CSMD3: variants seen among roughly 807,000 people sequenced by gnomAD.
The protein encoded by CSMD3 is CUB and sushi domain-containing protein 3.
CSMD3 carries 177 observed loss-of-function variants against 435.2 expected under a neutral mutation model. The observed-to-expected ratio is 0.41, with a 90% CI of 0.36 to 0.46. The LOEUF (loss-of-function observed/expected upper bound fraction) is 0.46. Ranked by LOEUF, CSMD3 falls within the 20% of genes least tolerant of loss-of-function variation. The probability of loss-of-function intolerance (pLI) is 0.34; values close to 1 mark genes in which losing one functional copy is unlikely to be tolerated. For missense variants in CSMD3, 4,265 were observed against 4,504.6 expected (o/e 0.95, Z 1.52); for synonymous variants, 1,656 against 1,520.5 (o/e 1.09, Z -2.07).
At chr8:113,145,003 C>G (rs1351986018) in intron 4 of CSMD3, among the ~76,000 whole-genome samples, 1 of 151,336 alleles carries the variant, frequency 6.6e-6, no homozygotes, top group Non-Finnish European at 1.5e-5. Context: ...TTTAATAGAG[C>G]CCTGAGGGGC....
At chr8:112,882,165 C>T (rs972089531) in intron 10 of CSMD3, among the ~76,000 whole-genome samples, 2 of 151,850 alleles carry the variant, frequency 1.3e-5, no homozygotes, top group Non-Finnish European at 2.9e-5. Flanking sequence ...TCTCAGGACC[C>T]CAGAGTCTTT....
chr8:112,981,954 A>G (rs147397286), intron 6 of CSMD3, among the ~76,000 whole-genome samples: 8 of 151,966 alleles, frequency 5.3e-5, no homozygotes, highest in African/African-American at 1.7e-4. Context: ...GAGAATGGAT[A>G]GACATCTCAT....
At chr8:113,365,275 C>A (rs1164591963) in intron 1 of CSMD3, among the ~76,000 whole-genome samples, 3 of 152,050 alleles carry the variant, frequency 2.0e-5, no homozygotes, top group African/African-American at 7.2e-5. Flanking sequence ...GCATCAGATT[C>A]TTGAATAGAT....
At chr8:113,212,996 A>G (rs1310654683) in intron 3 of CSMD3, among the ~76,000 whole-genome samples, 1 of 151,422 alleles carries the variant, frequency 6.6e-6, no homozygotes, top group East Asian at 1.9e-4. Context: ...AGTGCTCACC[A>G]TTACCCCATG....
chr8:112,896,833 G>T (rs2081963246), intron 10 of CSMD3, among the ~76,000 whole-genome samples: 1 of 151,276 alleles, frequency 6.6e-6, no homozygotes, highest in African/African-American at 2.4e-5. Flanking sequence ...AAAAAACAAT[G>T]ACTTCTCATT....
intron 68 of CSMD3, among the ~76,000 whole-genome samples, chr8:112,232,695 T>A (rs1813205571): frequency 6.6e-6 from 1 of 152,202 alleles, no homozygotes. Flanking sequence ...TGGACATTTT[T>A]AAATGGGTGA....
rs143191055 is a variant in CSMD3 at position 113,258,283 on chromosome 8, G to A, written c.514+20309C>T. On this transcript the variant is annotated intron_variant, in intron 3 of 70. Transcript: ENST00000297405. ...TCCATGCCATTTTTACTAGTAGAACGAGAGTATTTTCATCTTTATAAAAAG... is the reference window on the plus strand; with the variant it reads ...TCCATGCCATTTTTACTAGTAGAACAAGAGTATTTTCATCTTTATAAAAAG... 4.1e-3 allele frequency among the ~76,000 whole-genome samples: 621 copies of A among 152,274 alleles called. 8 individuals are homozygous for A. The highest frequency in any genetic ancestry group is 0.013 in the African/African-American group (559 of 41,552).
chr8:112,526,192 G>A (rs1824942256), intron 27 of CSMD3, among the ~76,000 whole-genome samples: 1 of 151,538 alleles, frequency 6.6e-6, no homozygotes, highest in African/African-American at 2.4e-5. Flanking sequence ...GATATTCAGT[G>A]GATTTTAATG....
chr8:112,658,902 C>A (rs2075315460), intron 17 of CSMD3, among the ~76,000 whole-genome samples: 1 of 152,014 alleles, frequency 6.6e-6, no homozygotes, highest in African/African-American at 2.4e-5. Flanking sequence ...TTGCAGTGGG[C>A]CGAGATCGCA....
At chr8:113,164,245 T>A (rs1366486186) in intron 4 of CSMD3, among the ~76,000 whole-genome samples, 1 of 151,964 alleles carries the variant, frequency 6.6e-6, no homozygotes, top group Non-Finnish European at 1.5e-5. Flanking sequence ...TTATGTTATT[T>A]AGCTACATAT....
rs2130981008 is a variant in CSMD3, at chr8:112,984,246, T to TATTTAGA, written c.1031-8099_1031-8098insTCTAAAT. 5.9e-5 allele frequency among the ~76,000 whole-genome samples: 9 copies of TATTTAGA among 152,096 alleles called. No individual in the cohort carries two copies. The South Asian group carries it at 1.9e-3, about 32-fold the overall frequency. On this transcript the variant is annotated intron_variant, in intron 6 of 70. Transcript: ENST00000297405. ...AAATGTATTTCTTATGTGATTATTA[T>TATTTAGA]GCTAATTTCCTTTACACAAATACCT...
chr8:112,691,601 TA>T (rs1312395683), intron 13 of CSMD3, among the ~76,000 whole-genome samples: 1 of 152,084 alleles, frequency 6.6e-6, no homozygotes, highest in Non-Finnish European at 1.5e-5. Context: ...GGTTTGCTGG[TA>T]GTTTAGTTGT....
At chr8:112,906,416 A>G (rs1331169927) in intron 10 of CSMD3, among the ~76,000 whole-genome samples, 1 of 151,314 alleles carries the variant, frequency 6.6e-6, no homozygotes, top group Admixed American at 6.6e-5. Flanking sequence ...ACCTCTATAA[A>G]AGCTGAGAAC....
intron 32 of CSMD3, among the ~76,000 whole-genome samples, chr8:112,443,614 A>G (rs1815281370): frequency 6.6e-6 from 1 of 152,052 alleles, no homozygotes; most frequent in Non-Finnish European, 1.5e-5. Context: ...TCATTTGTTT[A>G]TAAAAGAAGG....
chr8:112,917,380 G>C (rs1419308001), intron 10 of CSMD3, among the ~76,000 whole-genome samples: 1 of 151,872 alleles, frequency 6.6e-6, no homozygotes, highest in Non-Finnish European at 1.5e-5. Context: ...TTTTGTAGGA[G>C]GTGAAAACTG....
At chr8:112,806,073 TA>T (rs879697437) in intron 12 of CSMD3, among the ~76,000 whole-genome samples, 35 of 146,650 alleles carry the variant, frequency 2.4e-4, no homozygotes, top group South Asian at 1.1e-3. Flanking sequence ...ATGTAGGCCT[TA>T]AAAAAAAAAA....
intron 9 of CSMD3, among the ~76,000 whole-genome samples, chr8:112,938,272 A>C (rs1428837271): frequency 6.6e-6 from 1 of 152,186 alleles, no homozygotes; most frequent in African/African-American, 2.4e-5. Flanking sequence ...AACAATATGT[A>C]ACATTTCTCC....
chr8:112,328,399 T>G (rs1046531799), intron 45 of CSMD3, among the ~76,000 whole-genome samples: 1 of 152,196 alleles, frequency 6.6e-6, no homozygotes, highest in African/African-American at 2.4e-5. Flanking sequence ...TGAGTTGACA[T>G]GAAGATAGAA....
At chr8:112,678,714 A>G (rs986548331) in intron 16 of CSMD3, among the ~76,000 whole-genome samples, 2 of 151,914 alleles carry the variant, frequency 1.3e-5, no homozygotes, top group Admixed American at 6.6e-5. Flanking sequence ...ATCCATATAT[A>G]TATATAACTT....
Sources: allele counts gnomAD v4.1 joint callset (sites outside exome capture counted in the v4.1 genomes callset), GRCh38; gene constraint gnomAD v4.1.1; transcripts MANE v1.5; gene names NCBI Gene and HGNC (gene_info 2026-07-23, HGNC 2026-07-21).